Variants in CLINT1 observed in about 807,000 individuals in gnomAD.
CLINT1 encodes the protein clathrin interactor 1.
CLINT1 carries 15 observed loss-of-function variants against 70.4 expected under a neutral mutation model. The ratio of observed to expected loss-of-function variants is 0.21; its 90% CI spans 0.14 to 0.33. The LOEUF is 0.33. Among genes scored for constraint, CLINT1 ranks in the 10% least tolerant of loss-of-function variants. The pLI is 1.00. For synonymous variants in CLINT1, 227 were observed against 254.7 expected (o/e 0.89, Z 1.04); for missense variants, 615 against 778.1 (o/e 0.79, Z 2.49).
intron 1 of CLINT1, among the ~76,000 whole-genome samples, chr5:157,840,361 A>G (rs1753131322): frequency 6.6e-6 from 1 of 152,070 alleles, no homozygotes; most frequent in African/African-American, 2.4e-5. Context: ...ATGACAATTA[A>G]TTAAATGAAA....
chr5:157,787,448 C>A lies in CLINT1; in HGVS notation c.*198G>T. The A allele has an allele frequency of 1.7e-6, 1 of 596,848 alleles. No individual in the cohort carries two copies. 37.0% of individuals were successfully genotyped at this position (596,848 alleles called of 1,614,324 possible). On this transcript the variant is annotated 3_prime_UTR_variant, in exon 12 of 12. Transcript: ENST00000411809. ...CACTGGAAAAAAATGATTTTGACTG[C>A]CTCATCTGAAGTGCTCTTGCCTGGC...
In CLINT1 at chr5:157,816,816, T is replaced by A; in HGVS notation, c.161A>T (p.Tyr54Phe). 1 of 1,606,524 alleles carries A rather than the reference T, an allele frequency of 6.2e-7. No individual in the cohort carries two copies. Among genetic ancestry groups the A allele is most frequent in the Non-Finnish European group, 8.5e-7 (1 of 1,177,396 alleles). ...MGEIAKATFM[Y>F]EQFPELMNML... ...GTTCATAAGTTCTGGAAATTGTTCA[T>A]ACATAAATGTAGCCCTGAAAAAAGA... is the stretch of plus-strand genomic sequence containing the variant. The change falls in exon 3 of 12, where the codon TAT (tyrosine) becomes TTT (phenylalanine). Residue 54 changes from tyrosine (Y) to phenylalanine (F), a missense_variant. Tyr to Phe is a conservative substitution (Grantham distance 22). This residue lies in a region of CLINT1 where 241 missense variants were observed against 368.6 expected (regional missense o/e 0.65). Transcript: ENST00000411809.
At chr5:157,812,314 C>A (rs1478568804) in intron 5 of CLINT1, among the ~76,000 whole-genome samples, 2 of 152,172 alleles carry the variant, frequency 1.3e-5, no homozygotes, top group Non-Finnish European at 1.5e-5. Flanking sequence ...ACTGGCCAGT[C>A]TGCACATACA....
intron 1 of CLINT1, among the ~76,000 whole-genome samples, chr5:157,836,300 A>C (rs1724022761): frequency 6.6e-6 from 1 of 152,220 alleles, no homozygotes; most frequent in Non-Finnish European, 1.5e-5. Flanking sequence ...AGATGAGAAA[A>C]CTGAGGCACA....
intron 8 of CLINT1, among the ~76,000 whole-genome samples, chr5:157,798,478 G>A (rs17679935): frequency 0.13 from 19,877 of 151,974 alleles, 1,527 homozygotes; most frequent in Non-Finnish European, 0.19. Context: ...GTACTTAAAC[G>A]ACAAATGGAA....
At chr5:157,822,274 T>C (rs1762901252) in intron 1 of CLINT1, among the ~76,000 whole-genome samples, 1 of 152,150 alleles carries the variant, frequency 6.6e-6, no homozygotes. Context: ...GGTGTATACA[T>C]GTGCCATGTT....
intron 1 of CLINT1, among the ~76,000 whole-genome samples, chr5:157,826,365 T>C (rs761837526): frequency 6.6e-6 from 1 of 152,208 alleles, no homozygotes; most frequent in South Asian, 2.1e-4. Flanking sequence ...TGATTCTACA[T>C]AGATTTGACT....
intron 1 of CLINT1, among the ~76,000 whole-genome samples, chr5:157,839,015 G>A (rs1763527340): frequency 6.6e-6 from 1 of 151,450 alleles, no homozygotes; most frequent in Admixed American, 6.6e-5. Context: ...GATTGCTTGA[G>A]CCCAGGAGTT....
intron 1 of CLINT1, among the ~76,000 whole-genome samples, chr5:157,828,913 ACT>A (rs1412264185): frequency 2.8e-5 from 4 of 144,898 alleles, no homozygotes; most frequent in African/African-American, 1.0e-4. Context: ...ATATGGTGAA[ACT>A]CTGTCTCTAC....
intron 7 of CLINT1, among the ~76,000 whole-genome samples, chr5:157,804,274 A>T (rs1762320775): frequency 6.6e-6 from 1 of 152,130 alleles, no homozygotes; most frequent in Admixed American, 6.5e-5. Flanking sequence ...ACAAGTTAGT[A>T]TAATTCTATG....
chr5:157,811,701 T>C (rs1273041236), intron 5 of CLINT1, among the ~76,000 whole-genome samples: 1 of 152,188 alleles, frequency 6.6e-6, no homozygotes, highest in African/African-American at 2.4e-5. Flanking sequence ...GCATTGTGAC[T>C]GAGTTTGAAA....
chr5:157,855,567 GT>G (rs1209059007), intron 1 of CLINT1, among the ~76,000 whole-genome samples: 1 of 152,092 alleles, frequency 6.6e-6, no homozygotes, highest in Non-Finnish European at 1.5e-5. Flanking sequence ...GTTCCACAAT[GT>G]TCTGCAAAAC....
At chr5:157,839,618 A>AC (rs367752424) in intron 1 of CLINT1, among the ~76,000 whole-genome samples, 54 of 147,622 alleles carry the variant, frequency 3.7e-4, no homozygotes, top group African/African-American at 8.3e-4. Flanking sequence ...ATAAAAAAAA[A>AC]AAACAAACAA....
Position 157,806,050 on chromosome 5 carries a change from T to G in CLINT1, c.758A>C (p.Glu253Ala). 1 of 1,614,032 alleles carries G rather than the reference T, an allele frequency of 6.2e-7. No individual in the cohort carries two copies. The highest frequency in any genetic ancestry group is 8.5e-7 in the Non-Finnish European group (1 of 1,179,892). The change falls in exon 7 of 12, where the codon GAA (glutamate) becomes GCA (alanine). Residue 253 changes from glutamate to alanine, a missense_variant. By Grantham distance (107) the Glu-to-Ala change is moderately radical. This residue lies in a region of CLINT1 where 241 missense variants were observed against 368.6 expected (regional missense o/e 0.65). Coordinates refer to ENST00000411809, the MANE Select transcript of CLINT1 (RefSeq NM_014666.4). ...ATGCTTTGTCGTCACAGTCTCCTCT[T>G]CATCTTTGAATTCACCTTTGGGAGA... ...GRSPKGEFKD[E>A]EETVTTKHIH...
chr5:157,828,514 G>A (rs186771768), intron 1 of CLINT1, among the ~76,000 whole-genome samples: 27 of 152,156 alleles, frequency 1.8e-4, no homozygotes, highest in Non-Finnish European at 1.5e-4. Context: ...TGTGAGCAAA[G>A]CCCGGAAGAA....
chr5:157,829,007 C>G (rs1358520454), intron 1 of CLINT1, among the ~76,000 whole-genome samples: 1 of 150,686 alleles, frequency 6.6e-6, no homozygotes, highest in African/African-American at 2.5e-5. Flanking sequence ...GAGGCTGAGG[C>G]AAGAGAATTG....
intron 1 of CLINT1, among the ~76,000 whole-genome samples, chr5:157,848,497 G>A (rs1240477384): frequency 4.6e-5 from 7 of 151,698 alleles, no homozygotes; most frequent in Non-Finnish European, 8.8e-5. Context: ...AGTTTTAGAG[G>A]ACTGAATCCA....
intron 1 of CLINT1, among the ~76,000 whole-genome samples, chr5:157,844,504 C>G (rs1753302079): frequency 6.6e-6 from 1 of 152,132 alleles, no homozygotes; most frequent in African/African-American, 2.4e-5. Context: ...AATAAGCACT[C>G]AGTGAAGGAC....
intron 1 of CLINT1, among the ~76,000 whole-genome samples, chr5:157,828,966 G>A (rs1438299055): frequency 6.6e-6 from 1 of 151,486 alleles, no homozygotes; most frequent in Non-Finnish European, 1.5e-5. Flanking sequence ...GCTGAGCATG[G>A]TGGTGTGCTC....
Sources: gnomAD v4.1 joint callset for allele counts (sites outside exome capture counted in the v4.1 genomes callset) on GRCh38, gnomAD v4.1.1 for gene constraint, gnomAD v4.1.1 regional missense constraint, MANE v1.5 for transcripts, NCBI Gene and HGNC (gene_info 2026-07-23, HGNC 2026-07-21) for gene names.